Variants in INTS10 observed in about 807,000 individuals in gnomAD.
The protein encoded by INTS10 is chromosome 8 open reading frame 35.
A neutral mutation model predicts 94.4 loss-of-function variants in INTS10; 44 were observed. That is an observed-to-expected ratio of 0.47 (90% confidence interval 0.37 to 0.60). The LOEUF is 0.60. INTS10 is among the 20% of genes least tolerant of loss of function. The pLI is 0.00. For missense variants in INTS10, 797 were observed against 868.7 expected (o/e 0.92, Z 1.04); for synonymous variants, 341 against 320.7 (o/e 1.06, Z -0.68).
intron 13 of INTS10, among the ~76,000 whole-genome samples, chr8:19,839,442 G>A (rs1416798758): frequency 6.6e-6 from 1 of 152,188 alleles, no homozygotes; most frequent in Non-Finnish European, 1.5e-5. Context: ...GCTTATGCCT[G>A]TAATCCCCGC....
At chr8:19,848,658 T>A (rs1305088829) in intron 16 of INTS10, 1 of 152,348 alleles carries the variant, frequency 6.6e-6, no homozygotes, top group Non-Finnish European at 1.5e-5. Context: ...TCACCCTTTT[T>A]TTAAATCAAA....
Position 19,823,282 on chromosome 8 carries a change from T to A in INTS10, c.524-19T>A. On this transcript the variant is annotated intron_variant, in intron 5 of 16. Transcript: ENST00000397977. ...TAGACAACCTAATTAATTTATTTCTTCTTTTTCTCCTCCAACAGTTTGTGA... is the reference window on the plus strand; with the variant it reads ...TAGACAACCTAATTAATTTATTTCTACTTTTTCTCCTCCAACAGTTTGTGA... 6.3e-7 allele frequency: 1 copy of A among 1,592,444 alleles called. No individual in the cohort carries two copies. Among genetic ancestry groups the A allele is most frequent in the Non-Finnish European group, 8.6e-7 (1 of 1,163,718 alleles).
chr8:19,841,684 G>C (rs2068134931), intron 13 of INTS10: 1 of 379,732 alleles, frequency 2.6e-6, no homozygotes. Flanking sequence ...CTTCTGGAAG[G>C]TGTATAAAGT....
intron 9 of INTS10, among the ~76,000 whole-genome samples, chr8:19,828,796 A>G (rs920279878): frequency 4.0e-5 from 6 of 151,854 alleles, no homozygotes; most frequent in South Asian, 2.1e-4. Context: ...GGTTCATGCA[A>G]TCCTCCCACC....
At position 19,845,761 on chromosome 8, in the gene INTS10, A is replaced by G. The variant is rs374085068; in HGVS notation, c.1940A>G (p.His647Arg). ...AGAACTCAGGAAGGTGGGAAAATTC[A>G]TCTGGAATTACTACCCAATCAAGGA... The part of the protein sequence containing the change: ...YLRTQEGGKI[H>R]LELLPNQGML... Residue 647 changes from histidine (H) to arginine (R), a missense_variant, in exon 16 of 17, where the codon CAT (histidine) becomes CGT (arginine). His to Arg is a conservative substitution (Grantham distance 29). Transcript: ENST00000397977. The G allele has an allele frequency of 1.2e-6, 2 of 1,613,972 alleles. No individual in the cohort carries two copies. The highest frequency in any genetic ancestry group is 2.2e-5 in the East Asian group (1 of 44,876).
In INTS10 at chr8:19,837,093, A is replaced by ACTCC; in HGVS notation, c.1574_1577dup (p.Ile527ProfsTer20). 6.2e-7 allele frequency: 1 copy of ACTCC among 1,613,852 alleles called. No homozygotes were observed. Among genetic ancestry groups the ACTCC allele is most frequent in the Non-Finnish European group, 8.5e-7 (1 of 1,179,780 alleles). ...TCCTTGATTTGATGTGCTACATGGT[A>ACTCC]CTCCCCATTCAAGATGGAGGCAAAT... On this transcript the variant is annotated frameshift_variant, in exon 13 of 17. Transcript: ENST00000397977. LOFTEE classifies it high-confidence loss of function.
chr8:19,836,389 C>T (rs1021377635), intron 12 of INTS10, among the ~76,000 whole-genome samples: 5 of 152,166 alleles, frequency 3.3e-5, no homozygotes, highest in African/African-American at 1.2e-4. Flanking sequence ...GCAGCCTGCA[C>T]AGAGGCACTC....
intron 10 of INTS10, 70 bp from the exon 11 acceptor site, chr8:19,831,958 G>T: frequency 1.1e-6 from 1 of 892,092 alleles, no homozygotes; most frequent in Non-Finnish European, 1.9e-6. Context: ...TCTCTTACTG[G>T]ATTTGTTAGT....
At chr8:19,823,734 C>T (rs148066473) in intron 6 of INTS10, 139 bp from the exon 7 acceptor site, 23 of 731,562 alleles carry the variant, frequency 3.1e-5, no homozygotes, top group African/African-American at 2.9e-4. Flanking sequence ...GGCCTCTTGT[C>T]GGTCCTTGAG....
In INTS10 at chr8:19,851,748, G is replaced by A. The variant is rs749043632; in HGVS notation, c.2076G>A (p.Val692=). Residue 692 remains valine (V), a synonymous_variant, in exon 17 of 17, where the codon GTG becomes GTA. Coordinates refer to ENST00000397977, the MANE Select transcript of INTS10 (RefSeq NM_018142.4). This position sits in a 1 kb window ranked among gnomAD's most constrained non-coding sequence, Gnocchi z 5.0. Reference sequence around the variant, plus strand: ...CCCGCTGTGGAGAGAATCTGATGGTGGTTCTGCACAGGTTCTGCATTAATG... The same window carrying A: ...CCCGCTGTGGAGAGAATCTGATGGTAGTTCTGCACAGGTTCTGCATTAATG... ...QVSRCGENLM[V]VLHRFCINEK... The A allele has an allele frequency of 9.3e-6, 15 of 1,613,950 alleles. No individual in the cohort carries two copies. In the African/African-American group the frequency reaches 2.0e-4, roughly 22 times the overall value.
At position 19,817,650 on chromosome 8, in the gene INTS10, C is replaced by T. The variant is rs1309634904; in HGVS notation, c.113C>T (p.Ala38Val). 6.2e-7 allele frequency: 1 copy of T among 1,607,110 alleles called. No individual in the cohort carries two copies. Among genetic ancestry groups the T allele is most frequent in the Non-Finnish European group, 8.5e-7 (1 of 1,177,446 alleles). The part of the protein sequence containing the change: ...WLITARSLYP[A>V]DFNIQYEMYT... The stretch of plus-strand genomic sequence containing the variant: ...ATCACGGCCCGCAGCCTCTACCCGG[C>T]AGACTTTAACATCCAGGTGAGGTCC... The change falls in exon 1 of 17, where the codon GCA (alanine) becomes GTA (valine). Residue 38 changes from alanine (A) to valine (V), a missense_variant. By Grantham distance (64) the Ala-to-Val change is moderately conservative. Around this residue, in one of 3 missense-constraint regions of INTS10, gnomAD observed 734 missense variants for 787.8 expected, o/e 0.93. Transcript: ENST00000397977.
chr8:19,837,919 C>T (rs959279088), intron 13 of INTS10, among the ~76,000 whole-genome samples: 10 of 151,772 alleles, frequency 6.6e-5, no homozygotes, highest in Admixed American at 2.6e-4. Context: ...AAGGGAGTGT[C>T]ACTACAAATC....
intron 16 of INTS10, among the ~76,000 whole-genome samples, chr8:19,847,702 AC>A (rs1336593709): frequency 6.6e-6 from 1 of 152,190 alleles, no homozygotes; most frequent in Non-Finnish European, 1.5e-5. Flanking sequence ...ATTGTACTGA[AC>A]CTTTCTTCTT....
chr8:19,819,519 T>A, intron 2 of INTS10, 54 bp from the exon 3 acceptor site: 1 of 1,364,074 alleles, frequency 7.3e-7, no homozygotes, highest in Non-Finnish European at 1.0e-6. Context: ...TTTTTTCTTT[T>A]GGATACTGTA....
chr8:19,842,764 T>C, intron 13 of INTS10, 84 bp from the exon 14 acceptor site: 1 of 781,630 alleles, frequency 1.3e-6, no homozygotes, highest in East Asian at 2.6e-5. Flanking sequence ...TTGTTGTTAA[T>C]GAAAGCATCT....
At position 19,846,310 on chromosome 8, in the gene INTS10, G is replaced by A. The variant is rs2128810544; in HGVS notation, c.1976+513G>A. Among the ~76,000 whole-genome samples the A allele has an allele frequency of 6.6e-6, 1 of 151,946 alleles. No homozygotes were observed. Among genetic ancestry groups the A allele is most frequent in the African/African-American group, 2.4e-5 (1 of 41,460 alleles). ...TATGTGGGCATGATAGTGGGCACCT[G>A]TAATCCCAGCTACTTGGGAGGCTGA... On this transcript the variant is annotated intron_variant, in intron 16 of 16. Coordinates refer to ENST00000397977, the MANE Select transcript of INTS10 (RefSeq NM_018142.4). This position sits in a 1 kb window ranked among gnomAD's most constrained non-coding sequence, Gnocchi z 4.2.
chr8:19,830,636 TA>T, intron 10 of INTS10, 77 bp downstream of exon 10: 1 of 1,363,352 alleles, frequency 7.3e-7, no homozygotes, highest in Non-Finnish European at 1.0e-6. Context: ...TCAGGTCACT[TA>T]CGGCAAATTA....
chr8:19,835,420 A>G (rs1475757075), intron 12 of INTS10, among the ~76,000 whole-genome samples: 1 of 152,142 alleles, frequency 6.6e-6, no homozygotes, highest in Non-Finnish European at 1.5e-5. Context: ...ACATGGTTTG[A>G]GTTAGGGAAA....
chr8:19,824,051 A>T lies in INTS10; in HGVS notation c.836+7A>T, dbSNP rs1182846043. ...AGATGGATAAAGGAAGACGGTAATA[A>T]ATAGCTTATTTCCAGAATTGCCTAT... is the stretch of plus-strand genomic sequence containing the variant. On this transcript the variant is annotated splice_region_variant and intron_variant, in intron 7 of 16. Transcript: ENST00000397977. The T allele has an allele frequency of 7.0e-6, 11 of 1,579,770 alleles. No homozygotes were observed. The highest frequency in any genetic ancestry group is 9.4e-6 in the Non-Finnish European group (11 of 1,164,536).
Sources: allele counts gnomAD v4.1 joint callset (sites outside exome capture counted in the v4.1 genomes callset), GRCh38; gene constraint gnomAD v4.1.1; regional missense constraint gnomAD v4.1.1; non-coding constraint Gnocchi (gnomAD v3.1); transcripts MANE v1.5; gene names NCBI Gene and HGNC (gene_info 2026-07-23, HGNC 2026-07-21).